EYS: variants seen among roughly 807,000 people sequenced by gnomAD.
EYS encodes protein eyes shut homolog.
EYS carries 250 observed loss-of-function variants against 282.1 expected under a neutral mutation model. That is an observed-to-expected ratio of 0.89 (90% CI 0.80 to 0.98). The LOEUF (loss-of-function observed/expected upper bound fraction) is 0.98. EYS is among the 50% of genes least tolerant of loss of function. The pLI is 0.00. For missense variants in EYS, 4,016 were observed against 3,709.0 expected (o/e 1.08, Z -2.15); for synonymous variants, 1,355 against 1,282.9 (o/e 1.06, Z -1.20).
chr6:63,982,447 C>T (rs1767143858), intron 35 of EYS, among the ~76,000 whole-genome samples: 1 of 151,778 alleles, frequency 6.6e-6, no homozygotes, highest in African/African-American at 2.4e-5. Flanking sequence ...CAATTCTTTG[C>T]AGTTGTAAGA....
chr6:63,762,220 C>T (rs1414792709), intron 41 of EYS, among the ~76,000 whole-genome samples: 3 of 151,896 alleles, frequency 2.0e-5, no homozygotes, highest in Non-Finnish European at 4.4e-5. Flanking sequence ...AACATCTACA[C>T]AAAATAGAGA....
At chr6:65,651,808 C>T (rs1198935178) in intron 1 of EYS, among the ~76,000 whole-genome samples, 1 of 152,004 alleles carries the variant, frequency 6.6e-6, no homozygotes, top group Non-Finnish European at 1.5e-5. Context: ...TGTAACCAGT[C>T]TCTTTAATCC....
chr6:65,563,416 T>C (rs1283197241), intron 2 of EYS, among the ~76,000 whole-genome samples: 4 of 152,148 alleles, frequency 2.6e-5, no homozygotes, highest in Non-Finnish European at 4.4e-5. Flanking sequence ...ATATTTTTTA[T>C]TTTTGTTAAT....
chr6:64,125,154 GTC>G (rs112304740), intron 31 of EYS, among the ~76,000 whole-genome samples: 4,578 of 144,030 alleles, frequency 0.032, 194 homozygotes, highest in African/African-American at 0.099. Context: ...CACACTCTCT[GTC>G]TCTCTCTCTC....
intron 29 of EYS, among the ~76,000 whole-genome samples, chr6:64,371,792 C>G (rs1466970008): frequency 6.6e-6 from 1 of 151,570 alleles, no homozygotes; most frequent in Non-Finnish European, 1.5e-5. Flanking sequence ...TTTTTTAAAT[C>G]CTTGTTGGTT....
intron 28 of EYS, among the ~76,000 whole-genome samples, chr6:64,418,779 A>G (rs1774136637): frequency 7.2e-6 from 1 of 138,884 alleles, no homozygotes; most frequent in South Asian, 2.3e-4. Context: ...GTTCTGTCCC[A>G]TGGAAAAAAA....
chr6:64,706,756 C>T (rs1771032522), intron 22 of EYS, among the ~76,000 whole-genome samples: 1 of 151,878 alleles, frequency 6.6e-6, no homozygotes, highest in African/African-American at 2.4e-5. Context: ...ATCAAAACCA[C>T]AATACAATAC....
chr6:64,530,402 A>T (rs1192651361), intron 26 of EYS, among the ~76,000 whole-genome samples: 1 of 152,018 alleles, frequency 6.6e-6, no homozygotes, highest in Non-Finnish European at 1.5e-5. Flanking sequence ...TTACATGTTT[A>T]TATCTGCAGG....
intron 26 of EYS, among the ~76,000 whole-genome samples, chr6:64,583,724 G>A (rs754656328): frequency 2.6e-5 from 4 of 151,984 alleles, no homozygotes; most frequent in Non-Finnish European, 4.4e-5. Flanking sequence ...GAACCTGGGA[G>A]GCAGAGGTTG....
chr6:64,104,483 T>A (rs544677812), intron 31 of EYS, among the ~76,000 whole-genome samples: 2 of 152,256 alleles, frequency 1.3e-5, no homozygotes, highest in Admixed American at 6.5e-5. Flanking sequence ...TATTCTCATT[T>A]TCTGTTTTAC....
At chr6:64,919,124 G>A (rs914773847) in intron 15 of EYS, among the ~76,000 whole-genome samples, 1 of 152,070 alleles carries the variant, frequency 6.6e-6, no homozygotes, top group African/African-American at 2.4e-5. Flanking sequence ...CATGTGGTCG[G>A]ATAGACAGTA....
intron 12 of EYS, among the ~76,000 whole-genome samples, chr6:65,074,787 G>T (rs1051899964): frequency 1.3e-5 from 2 of 151,930 alleles, no homozygotes; most frequent in Non-Finnish European, 2.9e-5. Flanking sequence ...TGCTGAGACA[G>T]GTAAAGACAG....
intron 26 of EYS, among the ~76,000 whole-genome samples, chr6:64,480,797 C>G (rs1403091189): frequency 2.6e-5 from 4 of 151,718 alleles, no homozygotes; most frequent in African/African-American, 9.7e-5. Flanking sequence ...ACTTATTCTA[C>G]TGCTGTTACA....
At chr6:64,127,193 A>T (rs895711633) in intron 31 of EYS, among the ~76,000 whole-genome samples, 3 of 152,200 alleles carry the variant, frequency 2.0e-5, no homozygotes, top group East Asian at 1.9e-4. Flanking sequence ...TCTTGTTTGT[A>T]TCTAGGTTTC....
chr6:65,690,649 C>G (rs111744740), intron 1 of EYS, among the ~76,000 whole-genome samples: 2,582 of 149,336 alleles, frequency 0.017, 144 homozygotes, highest in African/African-American at 0.06. Context: ...ATCTTTTATT[C>G]CGTAGCAATA....
At chr6:64,996,837 T>G (rs142934743) in intron 14 of EYS, among the ~76,000 whole-genome samples, 2 of 152,236 alleles carry the variant, frequency 1.3e-5, no homozygotes, top group South Asian at 4.1e-4. Context: ...AGCTTTGTTT[T>G]CTAACTTCAA....
chr6:65,093,773 CACTT>C (rs1490456733), intron 12 of EYS, among the ~76,000 whole-genome samples: 3 of 151,742 alleles, frequency 2.0e-5, no homozygotes, highest in East Asian at 1.9e-4. Flanking sequence ...TAAAAGTCCT[CACTT>C]ACAATAATTA....
chr6:63,782,128 G>A (rs912276011), intron 39 of EYS, among the ~76,000 whole-genome samples: 5 of 152,194 alleles, frequency 3.3e-5, no homozygotes, highest in Non-Finnish European at 7.4e-5. Context: ...TAAGCTTTTT[G>A]ATGTGCTGCT....
intron 22 of EYS, among the ~76,000 whole-genome samples, chr6:64,684,758 C>A (rs1035847718): frequency 1.1e-4 from 16 of 151,344 alleles, no homozygotes; most frequent in Non-Finnish European, 2.2e-4. Context: ...ATTAAAGATT[C>A]AATCCCAAGG....
Sources: allele counts gnomAD v4.1 joint callset (sites outside exome capture counted in the v4.1 genomes callset), GRCh38; gene constraint gnomAD v4.1.1; transcripts MANE v1.5; gene names NCBI Gene and HGNC (gene_info 2026-07-23, HGNC 2026-07-21).